The following TTC6 variants were observed in gnomAD, a reference collection of about 807,000 sequenced individuals.
TTC6 encodes the protein tetratricopeptide repeat domain 6.
TTC6 carries 172 observed loss-of-function variants against 210.4 expected under a neutral mutation model. The ratio of observed to expected loss-of-function variants is 0.82; its 90% CI spans 0.72 to 0.93. The LOEUF (loss-of-function observed/expected upper bound fraction) is 0.93, where lower values mean the gene tolerates loss of function less well. Ranked by LOEUF, TTC6 falls within the 40% of genes least tolerant of loss-of-function variation. The pLI is 0.00. For missense variants in TTC6, 2,414 were observed against 2,318.1 expected (o/e 1.04, Z -0.85); for synonymous variants, 804 against 819.6 (o/e 0.98, Z 0.32).
chr14:37,773,509 A>AG (rs1457947136), intron 14 of TTC6, among the ~76,000 whole-genome samples: 1 of 152,224 alleles, frequency 6.6e-6, no homozygotes, highest in African/African-American at 2.4e-5. Context: ...TTTATTAAAC[A>AG]GGGAGTCCTT....
chr14:37,642,072 A>C (rs982979566), intron 1 of TTC6, among the ~76,000 whole-genome samples: 2 of 152,226 alleles, frequency 1.3e-5, no homozygotes, highest in African/African-American at 2.4e-5. Flanking sequence ...ACTGACTTAA[A>C]GACCTAGATG....
chr14:37,797,913 C>T (rs995574164), intron 20 of TTC6, among the ~76,000 whole-genome samples: 1 of 152,018 alleles, frequency 6.6e-6, no homozygotes, highest in East Asian at 1.9e-4. Context: ...TTCTTCTTAA[C>T]CCAAAAATCT....
chr14:37,670,474 C>CTTTTTTTTTTTTTTT (rs66725764), intron 1 of TTC6, among the ~76,000 whole-genome samples: 1 of 121,326 alleles, frequency 8.2e-6, no homozygotes. Flanking sequence ...AACTACCTCA[C>CTTTTTTTTTTTTTTT]TTTTTTTTTT....
At chr14:37,796,439 A>G (rs1447480529) in intron 19 of TTC6, 69 bp downstream of exon 21, 3 of 660,084 alleles carry the variant, frequency 4.5e-6, no homozygotes, top group African/African-American at 1.9e-5. Flanking sequence ...TGCAATAGTT[A>G]TGTATAAATA....
chr14:37,694,550 A>G (rs532181330), intron 3 of TTC6, among the ~76,000 whole-genome samples: 3 of 152,266 alleles, frequency 2.0e-5, no homozygotes, highest in Non-Finnish European at 2.9e-5. Flanking sequence ...GAACTACCAT[A>G]TGATACAGCA....
At chr14:37,801,264 G>A (rs2096105961) in intron 20 of TTC6, among the ~76,000 whole-genome samples, 1 of 152,138 alleles carries the variant, frequency 6.6e-6, no homozygotes, top group Non-Finnish European at 1.5e-5. Context: ...GCCTCATCCA[G>A]ACTTGGACCT....
At chr14:37,758,513 C>CT (rs1203731066) in intron 14 of TTC6, among the ~76,000 whole-genome samples, 1 of 151,924 alleles carries the variant, frequency 6.6e-6, no homozygotes, top group East Asian at 1.9e-4. Context: ...GTAACCCCTG[C>CT]TTTTTTTTGC....
chr14:37,650,308 C>G (rs1237822343), intron 1 of TTC6, among the ~76,000 whole-genome samples: 1 of 152,178 alleles, frequency 6.6e-6, no homozygotes, highest in African/African-American at 2.4e-5. Flanking sequence ...CTGCATTCAG[C>G]TGTGTTTTGA....
chr14:37,685,187 A>G (rs571945464), intron 3 of TTC6, among the ~76,000 whole-genome samples: 34 of 152,320 alleles, frequency 2.2e-4, no homozygotes, highest in African/African-American at 7.9e-4. Flanking sequence ...AAAAATATAG[A>G]TATGATCACA....
At chr14:37,773,208 C>T (rs1283193009) in intron 14 of TTC6, among the ~76,000 whole-genome samples, 1 of 152,126 alleles carries the variant, frequency 6.6e-6, no homozygotes, top group African/African-American at 2.4e-5. Context: ...TTCTCCCATT[C>T]AGTAGGTTGT....
chr14:37,760,212 T>C (rs1302976549), intron 14 of TTC6, among the ~76,000 whole-genome samples: 1 of 151,350 alleles, frequency 6.6e-6, no homozygotes, highest in Non-Finnish European at 1.5e-5. Context: ...TTGATGTTGA[T>C]GTTGTTGCTT....
intron 7 of TTC6, among the ~76,000 whole-genome samples, chr14:37,728,230 T>C (rs953849855): frequency 3.9e-5 from 6 of 152,198 alleles, no homozygotes; most frequent in African/African-American, 9.7e-5. Flanking sequence ...TTTCATTTGA[T>C]CTCATAAAGA....
intron 29 of TTC6, among the ~76,000 whole-genome samples, chr14:37,834,685 CTT>C: frequency 6.6e-6 from 1 of 152,106 alleles, no homozygotes; most frequent in East Asian, 1.9e-4. Context: ...AATTTCTTTT[CTT>C]TGGGGTCTGC....
At chr14:37,621,536 G>A (rs1348906073), upstream of TTC6, among the ~76,000 whole-genome samples, 1 of 152,162 alleles carries the variant, frequency 6.6e-6, no homozygotes, top group Non-Finnish European at 1.5e-5. Context: ...TTGAGCCCAG[G>A]AGGCCGAGGC....
intron 30 of TTC6, 32 bp downstream of exon 32, chr14:37,841,702 A>C (rs2096210549): frequency 6.6e-7 from 1 of 1,520,986 alleles, no homozygotes; most frequent in African/African-American, 1.4e-5. Flanking sequence ...TGGTAAGATT[A>C]CAGTGGTTGA....
At chr14:37,630,336 T>G (rs1367095559) in intron 1 of TTC6, among the ~76,000 whole-genome samples, 1 of 152,234 alleles carries the variant, frequency 6.6e-6, no homozygotes, top group East Asian at 1.9e-4. Flanking sequence ...TTTCATTATT[T>G]ACCCAGTAGT....
At chr14:37,638,340 T>C (rs1391879868) in intron 1 of TTC6, among the ~76,000 whole-genome samples, 3 of 152,106 alleles carry the variant, frequency 2.0e-5, no homozygotes, top group Non-Finnish European at 4.4e-5. Context: ...TTGCAACCTC[T>C]GCCTCCTGGG....
intron 25 of TTC6, among the ~76,000 whole-genome samples, chr14:37,813,375 G>A (rs2096134140): frequency 6.6e-6 from 1 of 152,158 alleles, no homozygotes; most frequent in African/African-American, 2.4e-5. Flanking sequence ...CCTGTTTGTA[G>A]TAGGCAAGAA....
chr14:37,739,305 C>T lies in TTC6; in HGVS notation c.2363+150C>T, dbSNP rs189073686. ...GAAAGACAAACCTCTGGCTGGGCGC[C>T]GTGGCTCATGCCTGTAATCCCAGCA... On this transcript the variant is annotated intron_variant, in intron 10 of 30. Coordinates refer to ENST00000553443, the Ensembl canonical transcript of TTC6. 1.2e-4 allele frequency: 100 copies of T among 843,624 alleles called. No homozygotes were observed. In the Admixed American group the frequency reaches 2.6e-3, roughly 22 times the overall value. 52.3% of individuals were successfully genotyped at this position (843,624 alleles called of 1,614,324 possible).
Sources: gnomAD v4.1 joint callset for allele counts (sites outside exome capture counted in the v4.1 genomes callset) on GRCh38, gnomAD v4.1.1 for gene constraint, MANE v1.5 for transcripts, NCBI Gene and HGNC (gene_info 2026-07-23, HGNC 2026-07-21) for gene names.